The following GPC5 variants were observed in gnomAD, a reference collection of about 807,000 sequenced individuals.
GPC5 encodes the protein glypican-5.
A neutral mutation model predicts 53.9 loss-of-function variants in GPC5; 47 were observed. The observed-to-expected ratio is 0.87, with a 90% CI of 0.69 to 1.11. The LOEUF (loss-of-function observed/expected upper bound fraction) is 1.11, where lower values mean the gene tolerates loss of function less well. GPC5 is among the 50% of genes most tolerant of loss of function. The probability of loss-of-function intolerance (pLI) is 0.00; values close to 1 mark genes in which losing one functional copy is unlikely to be tolerated. For synonymous variants in GPC5, 286 were observed against 263.3 expected (o/e 1.09, Z -0.84); for missense variants, 748 against 713.1 (o/e 1.05, Z -0.56).
At chr13:91,852,183 T>G (rs527684367) in intron 5 of GPC5, among the ~76,000 whole-genome samples, 2 of 152,158 alleles carry the variant, frequency 1.3e-5, no homozygotes, top group East Asian at 1.9e-4. Flanking sequence ...TGTTTTAATT[T>G]TTTTCTTTAT....
At chr13:92,448,605 A>T (rs1336720243) in intron 7 of GPC5, 1 of 152,078 alleles carries the variant, frequency 6.6e-6, no homozygotes, top group Non-Finnish European at 1.5e-5. Flanking sequence ...AACTTATTAG[A>T]TGCTTTTTCA....
chr13:92,285,147 CA>C (rs1267549213), intron 7 of GPC5, among the ~76,000 whole-genome samples: 4 of 152,046 alleles, frequency 2.6e-5, no homozygotes, highest in African/African-American at 7.2e-5. Flanking sequence ...ACAATTGCTT[CA>C]AAGAGAATAA....
chr13:91,638,365 CT>C lies in GPC5; in HGVS notation c.326-54812del, dbSNP rs1255390476. Among the ~76,000 whole-genome samples the C allele has an allele frequency of 9.4e-5, 14 of 148,668 alleles. No individual in the cohort carries two copies. The South Asian group carries it at 1.1e-3, about 11-fold the overall frequency. On this transcript the variant is annotated intron_variant, in intron 2 of 7. Transcript: ENST00000377067. ...TTACAATAGACATTTCTTTCTTTTT[CT>C]TTTTTTTTTCTTTTTTTGAGACGGA...
intron 2 of GPC5, among the ~76,000 whole-genome samples, chr13:91,615,515 G>T (rs1348166238): frequency 6.6e-6 from 1 of 152,146 alleles, no homozygotes; most frequent in Admixed American, 6.6e-5. Context: ...GAAAGGAGAA[G>T]CCAGGTACTG....
At chr13:92,112,384 G>T (rs961956656) in intron 6 of GPC5, among the ~76,000 whole-genome samples, 5 of 152,158 alleles carry the variant, frequency 3.3e-5, no homozygotes, top group African/African-American at 1.2e-4. Flanking sequence ...AGATTAAGAA[G>T]TGATGGTCAA....
intron 7 of GPC5, among the ~76,000 whole-genome samples, chr13:92,347,864 T>TAATATATAATATATTATATATAC (rs1491202059): frequency 1.2e-4 from 1 of 8,484 alleles, no homozygotes; most frequent in African/African-American, 8.7e-4. Context: ...CATATATATA[T>TAATATATAATATATTATATATAC]TATATATATA....
At position 92,381,897 on chromosome 13, in the gene GPC5, A is replaced by ATCATATATATGATATATATATCATATAT. The variant is rs1218262542; in HGVS notation, c.1561+236908_1561+236909insTCATATATATGATATATATATCATATAT. Among the ~76,000 whole-genome samples, 954 of 101,270 alleles carry ATCATATATATGATATATATATCATATAT rather than the reference A, an allele frequency of 9.4e-3. 30 individuals are homozygous for ATCATATATATGATATATATATCATATAT. The highest frequency in any genetic ancestry group is 0.034 in the African/African-American group (917 of 27,044). 66.4% of individuals were successfully genotyped at this position (101,270 alleles called of 152,430 possible). On this transcript the variant is annotated intron_variant, in intron 7 of 7. Coordinates refer to ENST00000377067, the MANE Select transcript of GPC5 (RefSeq NM_004466.6). ...ATATATGATTATATATATTATATAT[A>ATCATATATATGATATATATATCATATAT]ATCATATATATGATATATATAATCA...
chr13:91,608,430 C>T (rs1028911139), intron 2 of GPC5, among the ~76,000 whole-genome samples: 5 of 152,140 alleles, frequency 3.3e-5, no homozygotes, highest in Non-Finnish European at 7.3e-5. Flanking sequence ...ATGCTTGTAC[C>T]GTGTCCCTAT....
chr13:91,966,067 T>G (rs1323038227), intron 6 of GPC5, among the ~76,000 whole-genome samples: 1 of 152,130 alleles, frequency 6.6e-6, no homozygotes, highest in Non-Finnish European at 1.5e-5. Context: ...AACTTCTAAA[T>G]AGAAATAATT....
At chr13:92,528,282 T>C (rs574041763) in intron 7 of GPC5, among the ~76,000 whole-genome samples, 1 of 152,108 alleles carries the variant, frequency 6.6e-6, no homozygotes, top group Non-Finnish European at 1.5e-5. Flanking sequence ...TTTGGCTGCA[T>C]TTTTATAAAC....
At chr13:91,873,577 T>A (rs2039171301) in intron 5 of GPC5, among the ~76,000 whole-genome samples, 1 of 152,184 alleles carries the variant, frequency 6.6e-6, no homozygotes, top group Non-Finnish European at 1.5e-5. Context: ...ATGTGAGACA[T>A]GGCTTTCACC....
At chr13:92,732,473 A>T (rs980480290) in intron 7 of GPC5, among the ~76,000 whole-genome samples, 1 of 150,814 alleles carries the variant, frequency 6.6e-6, no homozygotes. Context: ...AATATGTTTA[A>T]TTGTATGCAT....
intron 5 of GPC5, among the ~76,000 whole-genome samples, chr13:91,837,047 A>G (rs984947783): frequency 6.7e-6 from 1 of 149,480 alleles, no homozygotes; most frequent in Non-Finnish European, 1.5e-5. Flanking sequence ...TAATATTTTA[A>G]TATATATTTA....
chr13:92,684,969 G>GCAATTT (rs1887217316), intron 7 of GPC5, among the ~76,000 whole-genome samples: 2 of 152,110 alleles, frequency 1.3e-5, no homozygotes, highest in South Asian at 4.1e-4. Flanking sequence ...GTTTTAGTTT[G>GCAATTT]CAATTTTCTA....
At chr13:92,285,023 T>G (rs1377636643) in intron 7 of GPC5, among the ~76,000 whole-genome samples, 1 of 152,172 alleles carries the variant, frequency 6.6e-6, no homozygotes, top group Non-Finnish European at 1.5e-5. Flanking sequence ...CTCTTTACAC[T>G]GATAAGCAAC....
chr13:92,594,420 T>C (rs754134062), intron 7 of GPC5, among the ~76,000 whole-genome samples: 44 of 152,302 alleles, frequency 2.9e-4, no homozygotes, highest in Middle Eastern at 3.4e-3. Context: ...TAAAATTCTT[T>C]AATGAATGGT....
chr13:91,997,366 C>T (rs1269419065), intron 6 of GPC5, among the ~76,000 whole-genome samples: 1 of 152,196 alleles, frequency 6.6e-6, no homozygotes, highest in Non-Finnish European at 1.5e-5. Context: ...CATCCATCTT[C>T]AACCCTAAAG....
intron 7 of GPC5, among the ~76,000 whole-genome samples, chr13:92,717,828 A>G (rs1310553294): frequency 2.0e-5 from 3 of 152,206 alleles, no homozygotes; most frequent in African/African-American, 4.8e-5. Context: ...CTTCCAACAC[A>G]CAGAATGGGA....
intron 7 of GPC5, among the ~76,000 whole-genome samples, chr13:92,344,605 A>T (rs1244656554): frequency 6.6e-6 from 1 of 152,162 alleles, no homozygotes; most frequent in South Asian, 2.1e-4. Flanking sequence ...TGGTCCAAAA[A>T]TGACTGATAA....
Sources: allele counts gnomAD v4.1 joint callset (sites outside exome capture counted in the v4.1 genomes callset), GRCh38; gene constraint gnomAD v4.1.1; transcripts MANE v1.5; gene names NCBI Gene and HGNC (gene_info 2026-07-23, HGNC 2026-07-21).